The following DHX36 variants were observed in gnomAD, a reference collection of about 807,000 sequenced individuals.
DHX36 encodes DEAH-box helicase 36, also known as ATP-dependent DNA/RNA helicase DHX36.
A neutral mutation model predicts 139.0 loss-of-function variants in DHX36; 50 were observed. The observed-to-expected ratio is 0.36, with a 90% CI of 0.29 to 0.46. The LOEUF (loss-of-function observed/expected upper bound fraction) is 0.46, where lower values mean the gene tolerates loss of function less well. Ranked by LOEUF, DHX36 falls within the 20% of genes least tolerant of loss-of-function variation. The pLI, the probability that DHX36 is intolerant of heterozygous loss-of-function variation, is 1.00. For missense variants in DHX36, 1,024 were observed against 1,211.3 expected, an observed-to-expected ratio of 0.85 and a Z score of 2.29; for synonymous variants, 425 against 401.9, an observed-to-expected ratio of 1.06 and a Z score of -0.69.
chr3:154,324,420 C>A lies in DHX36; in HGVS notation c.-4G>T, dbSNP rs777283540. 2.7e-6 allele frequency: 4 copies of A among 1,506,102 alleles called. No homozygotes were observed. Among genetic ancestry groups the A allele is most frequent in the Non-Finnish European group, 2.7e-6 (3 of 1,127,320 alleles). The allele number at this position is 1,506,102 out of a possible 1,614,324, so 93.3% of individuals were successfully genotyped here. A position where few individuals can be genotyped will look rare whatever the true frequency, so the allele number is the denominator to read the frequency against. On this transcript the variant is annotated 5_prime_UTR_variant, in exon 1 of 25. Transcript: ENST00000496811. ...TCTGATGGTAGTCATAACTCATTGTCCTGGCAGACTACAACCCGTCAGAAC... is the reference window on the plus strand; with the variant it reads ...TCTGATGGTAGTCATAACTCATTGTACTGGCAGACTACAACCCGTCAGAAC...
chr3:154,300,932 G>A (rs949105920), intron 10 of DHX36, 55 bp downstream of exon 10: 2 of 1,596,950 alleles, frequency 1.3e-6, no homozygotes, highest in Non-Finnish European at 1.7e-6. Flanking sequence ...CCCAGCCTCT[G>A]GCTTTTTGTT....
intron 9 of DHX36, among the ~76,000 whole-genome samples, chr3:154,301,702 T>C (rs1317301627): frequency 6.6e-6 from 1 of 152,186 alleles, no homozygotes; most frequent in Non-Finnish European, 1.5e-5. Context: ...TTCAAGTCTC[T>C]CATATGTCAA....
At chr3:154,303,199 T>C in intron 9 of DHX36, 130 bp downstream of exon 9, 1 of 643,742 alleles carries the variant, frequency 1.6e-6, no homozygotes, top group South Asian at 2.2e-5. Context: ...TGCAGCCAAG[T>C]GTGGCTAATT....
At position 154,315,124 on chromosome 3, in the gene DHX36, T is replaced by C; in HGVS notation, c.525A>G (p.Glu175=). ...RDSEYLLQEN[E]PDGTLDQKLL... is the part of the protein sequence containing the mutation. ...ATTTTTGGTCTAAAGTTCCATCTGG[T>C]TCATTTTCTTGCAAGAGATACTCAG... The change falls in exon 3 of 25, where the codon GAA becomes GAG. Residue 175 remains glutamate, a synonymous_variant. Transcript: ENST00000496811. 1 of 1,613,600 alleles carries C rather than the reference T, an allele frequency of 6.2e-7. No individual in the cohort carries two copies. The highest frequency in any genetic ancestry group is 8.5e-7 in the Non-Finnish European group (1 of 1,179,744).
chr3:154,320,713 C>T (rs1713158051), intron 1 of DHX36, among the ~76,000 whole-genome samples: 1 of 152,148 alleles, frequency 6.6e-6, no homozygotes, highest in African/African-American at 2.4e-5. Flanking sequence ...AGATAAAATA[C>T]ATCACAAAAT....
chr3:154,305,031 A>G, intron 7 of DHX36, 59 bp from the exon 8 acceptor site: 1 of 1,593,784 alleles, frequency 6.3e-7, no homozygotes, highest in African/African-American at 1.4e-5. Flanking sequence ...CAACTAGTAA[A>G]ATCCAATTTA....
At chr3:154,318,924 C>T (rs939948331) in intron 1 of DHX36, among the ~76,000 whole-genome samples, 3 of 152,174 alleles carry the variant, frequency 2.0e-5, no homozygotes, top group Non-Finnish European at 2.9e-5. Context: ...CCAGAGAAGT[C>T]TGTCAATGGA....
rs1277756331 is a variant in DHX36, at chr3:154,273,650, T to C, written c.*2521A>G. ...GCATTCAATGACAGACAGATCACTT[T>C]TAGAAGAACAGCCAAGATAAAGGAT... On this transcript the variant is annotated 3_prime_UTR_variant, in exon 25 of 25. Coordinates refer to ENST00000496811, the MANE Select transcript of DHX36 (RefSeq NM_020865.3). 1 of 152,234 alleles carries C rather than the reference T, an allele frequency of 6.6e-6. No individual in the cohort carries two copies. Among genetic ancestry groups the C allele is most frequent in the African/African-American group, 2.4e-5 (1 of 41,460 alleles). The allele number at this position is 152,234 out of a possible 1,614,324, so 9.4% of individuals were successfully genotyped here.
At chr3:154,289,897 A>C in intron 15 of DHX36, 71 bp from the exon 16 acceptor site, 1 of 843,918 alleles carries the variant, frequency 1.2e-6, no homozygotes, top group Non-Finnish European at 1.9e-6. Context: ...ACTGCAGAGA[A>C]AATACTAGGC....
In DHX36 at chr3:154,304,887, C is replaced by G; in HGVS notation, c.1054G>C (p.Asp352His). The G allele has an allele frequency of 1.2e-6, 2 of 1,612,508 alleles. No homozygotes were observed. Among genetic ancestry groups the G allele is most frequent in the Non-Finnish European group, 1.7e-6 (2 of 1,179,478 alleles). ...QSDVLMTVVK[D>H]LLNFRSDLKV... is the part of the protein sequence containing the mutation. ...AAGTCAGATCGAAAATTGAGAAGGT[C>G]TTTAACAACAGTCATTAAAACATCT... Residue 352 changes from aspartate to histidine, a missense_variant, in exon 8 of 25, where the codon GAC (aspartate) becomes CAC (histidine). Asp to His is a moderately conservative substitution (Grantham distance 81). Coordinates refer to ENST00000496811, the MANE Select transcript of DHX36 (RefSeq NM_020865.3).
chr3:154,291,767 T>C (rs954881779), intron 15 of DHX36, among the ~76,000 whole-genome samples: 1 of 152,194 alleles, frequency 6.6e-6, no homozygotes, highest in African/African-American at 2.4e-5. Context: ...TCATTCTATC[T>C]GTAAGAGGCA....
intron 2 of DHX36, 102 bp downstream of exon 2, chr3:154,315,937 C>G (rs750064560): frequency 3.7e-6 from 5 of 1,361,586 alleles, no homozygotes; most frequent in East Asian, 5.0e-5. Context: ...AAAAAAAGTA[C>G]GTAAAGGTTA....
chr3:154,277,464 GA>G, intron 23 of DHX36, 133 bp downstream of exon 23: 4 of 753,284 alleles, frequency 5.3e-6, no homozygotes, highest in Non-Finnish European at 5.8e-6. Context: ...TTGTTAGAGG[GA>G]AAAAGTTACT....
rs112167241 is a variant in DHX36 at position 154,304,670 on chromosome 3, T to C, written c.1135+136A>G. On this transcript the variant is annotated intron_variant, in intron 8 of 24. Transcript: ENST00000496811. Reference sequence around the variant, plus strand: ...GACCCAATTGTCTAATCCATGAAACTGGAGGGTAGAATAATATTAAAATAA... The same window carrying C: ...GACCCAATTGTCTAATCCATGAAACCGGAGGGTAGAATAATATTAAAATAA... 5.5e-4 allele frequency: 360 copies of C among 657,364 alleles called. No homozygotes were observed. The African/African-American group carries it at 6.1e-3, about 11-fold the overall frequency. The allele number at this position is 657,364 out of a possible 1,614,324, so 40.7% of individuals were successfully genotyped here. A position where few individuals can be genotyped will look rare whatever the true frequency, so the allele number is the denominator to read the frequency against.
chr3:154,304,825 T>C lies in DHX36; in HGVS notation c.1116A>G (p.Glu372=). The part of the protein sequence containing the change: ...VILMSATLNA[E]KFSEYFGNCP... ...ACTCACCAAAATATTCTGAAAACTTTTCTGCATTCAATGTTGCACTCATCA... is the reference window on the plus strand; with the variant it reads ...ACTCACCAAAATATTCTGAAAACTTCTCTGCATTCAATGTTGCACTCATCA... The change falls in exon 8 of 25, where the codon GAA becomes GAG. Residue 372 remains glutamate (E), a synonymous_variant. Transcript: ENST00000496811. 1 of 1,567,942 alleles carries C rather than the reference T, an allele frequency of 6.4e-7. No individual in the cohort carries two copies. Among genetic ancestry groups the C allele is most frequent in the Non-Finnish European group, 8.6e-7 (1 of 1,162,380 alleles).
chr3:154,305,224 T>C, intron 6 of DHX36, 56 bp from the exon 7 acceptor site: 1 of 1,427,760 alleles, frequency 7.0e-7, no homozygotes, highest in East Asian at 2.3e-5. Flanking sequence ...AATAATTAAC[T>C]ACCACAAAGG....
In DHX36 at chr3:154,275,632, T is replaced by C. The variant is rs1004981598; in HGVS notation, c.*539A>G. The C allele has an allele frequency of 7.2e-5, 11 of 152,618 alleles. No individual in the cohort carries two copies. Among genetic ancestry groups the C allele is most frequent in the African/African-American group, 2.2e-4 (9 of 41,438 alleles). 9.5% of individuals were successfully genotyped at this position (152,618 alleles called of 1,614,324 possible). A position where few individuals can be genotyped will look rare whatever the true frequency, so the allele number is the denominator to read the frequency against. On this transcript the variant is annotated 3_prime_UTR_variant, in exon 25 of 25. Transcript: ENST00000496811. The stretch of plus-strand genomic sequence containing the variant: ...TAAAAATATCAAATGAACCAAGCCA[T>C]AGGTGAAAATGTAGAAACCAATCCA...
intron 8 of DHX36, among the ~76,000 whole-genome samples, chr3:154,304,051 T>G (rs1712406738): frequency 6.6e-6 from 1 of 152,178 alleles, no homozygotes; most frequent in Admixed American, 6.5e-5. Context: ...TCAATGTTAG[T>G]TCTAGAAGTC....
intron 12 of DHX36, among the ~76,000 whole-genome samples, chr3:154,299,424 T>C (rs13314058): frequency 0.28 from 42,509 of 152,086 alleles, 6,698 homozygotes; most frequent in South Asian, 0.4. Flanking sequence ...TTTCAAAATA[T>C]GCTGTTCATA....
Sources: gnomAD v4.1 joint callset for allele counts (sites outside exome capture counted in the v4.1 genomes callset) on GRCh38, gnomAD v4.1.1 for gene constraint, MANE v1.5 for transcripts, NCBI Gene and HGNC (gene_info 2026-07-23, HGNC 2026-07-21) for gene names.